DET1: variants seen among roughly 807,000 people sequenced by gnomAD.
DET1 encodes the protein DET1 homolog.
A neutral mutation model predicts 43.7 loss-of-function variants in DET1; 22 were observed. The ratio of observed to expected loss-of-function variants is 0.50; its 90% CI spans 0.36 to 0.72. The LOEUF (loss-of-function observed/expected upper bound fraction) is 0.72. DET1 is among the 30% of genes least tolerant of loss of function. The pLI is 0.00. For missense variants in DET1, 713 were observed against 713.3 expected (o/e 1.00, Z 0.00); for synonymous variants, 315 against 266.2 (o/e 1.18, Z -1.79).
chr15:88,503,903 G>A (rs1338700857), exon 8 of DET1: 1 of 151,868 alleles, frequency 6.6e-6, no homozygotes, highest in Non-Finnish European at 1.5e-5. Flanking sequence ...AGGAGGCTGA[G>A]ACGGGAGGAT....
At chr15:88,508,802 T>C (rs770087308), downstream of DET1, among the ~76,000 whole-genome samples, 2 of 152,126 alleles carry the variant, frequency 1.3e-5, no homozygotes, top group Non-Finnish European at 2.9e-5. Context: ...CTATGAAGGG[T>C]AGCAGAGAAA....
At position 88,516,096 on chromosome 15, in the gene DET1, G is replaced by A. The variant is rs933690281; in HGVS notation, c.1463+686C>T. 1.3e-5 allele frequency among the ~76,000 whole-genome samples: 2 copies of A among 152,122 alleles called. No homozygotes were observed. Among genetic ancestry groups the A allele is most frequent in the Non-Finnish European group, 2.9e-5 (2 of 68,018 alleles). On this transcript the variant is annotated intron_variant, in intron 4 of 4. Transcript: ENST00000268148. This position sits in a 1 kb window ranked among gnomAD's most constrained non-coding sequence, Gnocchi z 4.4. ...TAAAGATCTAACTACCACTGTTTCT[G>A]TGTGAAAAAGACCTTCCAAGCTCCA...
intron 1 of DET1, among the ~76,000 whole-genome samples, chr15:88,544,814 G>A (rs562596569): frequency 5.3e-5 from 8 of 152,080 alleles, no homozygotes; most frequent in Admixed American, 1.3e-4. Context: ...TTGGAGGGCC[G>A]GTACCTCTAA....
chr15:88,529,108 G>GA (rs1272428395), intron 2 of DET1, among the ~76,000 whole-genome samples: 2 of 152,262 alleles, frequency 1.3e-5, no homozygotes, highest in South Asian at 4.1e-4. Context: ...GTACCTACCA[G>GA]AAAAAACTAG....
intron 3 of DET1, among the ~76,000 whole-genome samples, chr15:88,525,079 G>T (rs2056626037): frequency 6.6e-6 from 1 of 152,204 alleles, no homozygotes; most frequent in Non-Finnish European, 1.5e-5. Context: ...ATAAATTTGA[G>T]AATCAGAAGA....
At chr15:88,535,161 C>CA (rs2056915089) in intron 1 of DET1, among the ~76,000 whole-genome samples, 1 of 152,122 alleles carries the variant, frequency 6.6e-6, no homozygotes, top group African/African-American at 2.4e-5. Context: ...AACCAGCATA[C>CA]AAAACTCTTC....
At chr15:88,537,618 A>G (rs1298840811) in intron 1 of DET1, among the ~76,000 whole-genome samples, 1 of 152,172 alleles carries the variant, frequency 6.6e-6, no homozygotes, top group Non-Finnish European at 1.5e-5. Flanking sequence ...GATCTTACTT[A>G]TGTTTATGGC....
chr15:88,502,918 T>C (rs1188186316), intron 8 of DET1: 2 of 152,174 alleles, frequency 1.3e-5, no homozygotes, highest in African/African-American at 4.8e-5. Context: ...CCTTAGCAGG[T>C]CCTCAATAAA....
chr15:88,529,156 G>A (rs1457323156), intron 2 of DET1, among the ~76,000 whole-genome samples: 3 of 152,154 alleles, frequency 2.0e-5, no homozygotes, highest in Admixed American at 2.0e-4. Flanking sequence ...TAATCTCAAA[G>A]GCAGCAGTCA....
intron 1 of DET1, among the ~76,000 whole-genome samples, chr15:88,532,784 T>C (rs1422971819): frequency 2.0e-5 from 3 of 152,104 alleles, no homozygotes; most frequent in Admixed American, 6.6e-5. Flanking sequence ...TATACAAAAA[T>C]TAACCCAAAA....
In DET1 at chr15:88,504,629, A is replaced by G. The variant is rs1425631080; in HGVS notation, c.*2066-642T>C. On this transcript the variant is annotated intron_variant and NMD_transcript_variant, in intron 7 of 8. Transcript: ENST00000557842. This position sits in a 1 kb window ranked among gnomAD's most constrained non-coding sequence, Gnocchi z 4.7. ...CCTGAGAACACGTCTTTCATATGCAAACCAACCAATCCAGAGCCCACACCT... is the reference window on the plus strand; with the variant it reads ...CCTGAGAACACGTCTTTCATATGCAGACCAACCAATCCAGAGCCCACACCT... 6.6e-6 allele frequency: 1 copy of G among 152,134 alleles called. No individual in the cohort carries two copies. The highest frequency in any genetic ancestry group is 1.5e-5 in the Non-Finnish European group (1 of 68,074). 9.4% of individuals were successfully genotyped at this position (152,134 alleles called of 1,614,324 possible).
chr15:88,534,137 T>C (rs1331324202), intron 1 of DET1, among the ~76,000 whole-genome samples: 1 of 152,190 alleles, frequency 6.6e-6, no homozygotes, highest in African/African-American at 2.4e-5. Context: ...AAAAATATGT[T>C]TTAATATTTA....
At chr15:88,527,825 T>G in intron 2 of DET1, 39 bp from the exon 3 acceptor site, 2 of 1,431,208 alleles carry the variant, frequency 1.4e-6, no homozygotes, top group Non-Finnish European at 1.8e-6. Context: ...GACAGCTGAG[T>G]ATAATGCCAT....
In DET1 at chr15:88,512,573, T is replaced by C. The variant is rs978086470; in HGVS notation, c.*378A>G. ...AAAGGATGTATGTCATTCTCATCAG[T>C]AAACAAGATTTAACTGCTTTCAGAT... On this transcript the variant is annotated 3_prime_UTR_variant, in exon 5 of 5. Transcript: ENST00000268148. 1 of 1,010,002 alleles carries C rather than the reference T, an allele frequency of 9.9e-7. No homozygotes were observed. Among genetic ancestry groups the C allele is most frequent in the African/African-American group, 1.7e-5 (1 of 58,104 alleles). 62.6% of individuals were successfully genotyped at this position (1,010,002 alleles called of 1,614,324 possible). A position where few individuals can be genotyped will look rare whatever the true frequency, so the allele number is the denominator to read the frequency against.
intron 1 of DET1, among the ~76,000 whole-genome samples, chr15:88,542,710 C>G (rs1294189837): frequency 6.6e-6 from 1 of 152,080 alleles, no homozygotes; most frequent in Non-Finnish European, 1.5e-5. Flanking sequence ...AAAAGACAAG[C>G]AAAAATCTTA....
intron 3 of DET1, among the ~76,000 whole-genome samples, chr15:88,522,925 A>G (rs2056541498): frequency 1.4e-5 from 2 of 141,482 alleles, no homozygotes; most frequent in Admixed American, 1.4e-4. Flanking sequence ...TTTGTCACCT[A>G]CTCTGGAATG....
intron 1 of DET1, among the ~76,000 whole-genome samples, chr15:88,544,190 G>C (rs1465784968): frequency 1.3e-5 from 2 of 152,162 alleles, no homozygotes; most frequent in Non-Finnish European, 2.9e-5. Flanking sequence ...TAAACATTCA[G>C]TGGAAGCTCC....
At position 88,524,523 on chromosome 15, in the gene DET1, G is replaced by A. The variant is rs917984235; in HGVS notation, c.1271+3076C>T. Among the ~76,000 whole-genome samples, 1,080 of 152,366 alleles carry A rather than the reference G, an allele frequency of 7.1e-3. 14 individuals carry two copies. Among genetic ancestry groups the A allele is most frequent in the African/African-American group, 0.022 (929 of 41,572 alleles). ...GGCGGTTTTGTCGAATAGAAAAGGGGGAAATGTGGGGAAAAGAAAGAGAGA... is the reference window on the plus strand; with the variant it reads ...GGCGGTTTTGTCGAATAGAAAAGGGAGAAATGTGGGGAAAAGAAAGAGAGA... On this transcript the variant is annotated intron_variant, in intron 3 of 4. Coordinates refer to ENST00000268148, the MANE Select transcript of DET1 (RefSeq NM_001144074.3).
chr15:88,511,626 T>C (rs753565663), downstream of DET1: 1 of 981,488 alleles, frequency 1.0e-6, no homozygotes. Flanking sequence ...TACTGTATTA[T>C]AATAATCTGT....
Sources: allele counts gnomAD v4.1 joint callset (sites outside exome capture counted in the v4.1 genomes callset), GRCh38; gene constraint gnomAD v4.1.1; non-coding constraint Gnocchi (gnomAD v3.1); transcripts MANE v1.5; gene names NCBI Gene and HGNC (gene_info 2026-07-23, HGNC 2026-07-21).